SNRNP40: variants seen among roughly 807,000 people sequenced by gnomAD.
SNRNP40 encodes the protein U5 small nuclear ribonucleoprotein 40 kDa protein.
A neutral mutation model predicts 45.8 loss-of-function variants in SNRNP40; 21 were observed. The ratio of observed to expected loss-of-function variants is 0.46; its 90% CI spans 0.32 to 0.66. SNRNP40 has a LOEUF of 0.66. Among genes scored for constraint, SNRNP40 ranks in the 30% least tolerant of loss-of-function variants. The pLI, the probability that SNRNP40 is intolerant of heterozygous loss-of-function variation, is 0.03. For synonymous variants in SNRNP40, 142 were observed against 163.8 expected, an observed-to-expected ratio of 0.87 and a Z score of 1.01; for missense variants, 344 against 439.1, an observed-to-expected ratio of 0.78 and a Z score of 1.94.
chr1:31,276,141 T>A (rs1398233281), intron 5 of SNRNP40, among the ~76,000 whole-genome samples: 1 of 152,232 alleles, frequency 6.6e-6, no homozygotes, highest in Non-Finnish European at 1.5e-5. Flanking sequence ...GAATATTATA[T>A]CCTTACTTCA....
chr1:31,296,300 T>G (rs1300338328), intron 1 of SNRNP40, among the ~76,000 whole-genome samples: 1 of 152,232 alleles, frequency 6.6e-6, no homozygotes, highest in Non-Finnish European at 1.5e-5. Flanking sequence ...GGAATTTTTG[T>G]TCTATGCCAG....
At chr1:31,293,432 G>T in intron 1 of SNRNP40, 84 bp from the exon 2 acceptor site, 1 of 1,364,954 alleles carries the variant, frequency 7.3e-7, no homozygotes, top group South Asian at 1.5e-5. Flanking sequence ...GGAGGGAAAA[G>T]ACCAAGAAAA....
rs2148390668 is a variant in SNRNP40, at chr1:31,289,407, T to C, written c.378A>G (p.Ser126=). The C allele has an allele frequency of 6.2e-7, 1 of 1,613,020 alleles. No homozygotes were observed. The highest frequency in any genetic ancestry group is 2.2e-5 in the East Asian group (1 of 44,878). ...HYNTDGSMLF[S]ASTDKTVAVW... ...CAGCCACGGTTTTATCTGTGGATGCTGAGAAAAGCATACTAGAAAGTAAGA... is the reference window on the plus strand; with the variant it reads ...CAGCCACGGTTTTATCTGTGGATGCCGAGAAAAGCATACTAGAAAGTAAGA... Residue 126 remains serine (S), a synonymous_variant, in exon 4 of 10, where the codon TCA becomes TCG. Transcript: ENST00000263694.
intron 4 of SNRNP40, among the ~76,000 whole-genome samples, chr1:31,288,616 C>T (rs190217414): frequency 1.7e-4 from 26 of 151,358 alleles, no homozygotes; most frequent in African/African-American, 6.1e-4. Context: ...TTGTGCCATA[C>T]TAAAACTATT....
intron 5 of SNRNP40, among the ~76,000 whole-genome samples, chr1:31,276,676 AG>A (rs1475329913): frequency 6.6e-6 from 1 of 151,980 alleles, no homozygotes; most frequent in Non-Finnish European, 1.5e-5. Context: ...GCTTGAGGCC[AG>A]GAGTTCGAGA....
intron 5 of SNRNP40, among the ~76,000 whole-genome samples, chr1:31,280,095 C>T (rs1441992067): frequency 3.3e-5 from 3 of 90,842 alleles, no homozygotes; most frequent in African/African-American, 4.3e-5. Flanking sequence ...GCCTGGGCTA[C>T]AGAGGAAGAC....
rs543514368 is a variant in SNRNP40 at position 31,268,896 on chromosome 1, G to A, written c.858+262C>T. The stretch of plus-strand genomic sequence containing the variant: ...ATTCCCAAGTAATTAAAAAGGCCAG[G>A]AGTCTCTTGTTGAGGCTGGTGTCAA... On this transcript the variant is annotated intron_variant, in intron 7 of 9. Coordinates refer to ENST00000263694, the MANE Select transcript of SNRNP40 (RefSeq NM_004814.3). 2.8e-4 allele frequency among the ~76,000 whole-genome samples: 43 copies of A among 152,300 alleles called. No homozygotes were observed. In the South Asian group the frequency reaches 8.7e-3, roughly 31 times the overall value.
At chr1:31,284,430 G>A (rs1443342263) in intron 4 of SNRNP40, among the ~76,000 whole-genome samples, 1 of 152,202 alleles carries the variant, frequency 6.6e-6, no homozygotes, top group African/African-American at 2.4e-5. Flanking sequence ...GATTACAGGC[G>A]TGAGCCACTG....
At chr1:31,282,483 G>GTATCTATCTATCTATC (rs1553166886) in intron 4 of SNRNP40, 2 of 69,968 alleles carry the variant, frequency 2.9e-5, no homozygotes, top group African/African-American at 7.0e-5. Flanking sequence ...ATCTATCTAT[G>GTATCTATCTATCTATC]TATCTATCTA....
At chr1:31,269,612 C>G (rs1486860297) in intron 6 of SNRNP40, 2 of 385,294 alleles carry the variant, frequency 5.2e-6, no homozygotes, top group Non-Finnish European at 9.2e-6. Context: ...CCAGGAACTA[C>G]TGTGACAATG....
At chr1:31,286,910 G>C (rs886565782) in intron 4 of SNRNP40, among the ~76,000 whole-genome samples, 5 of 152,152 alleles carry the variant, frequency 3.3e-5, no homozygotes, top group Non-Finnish European at 7.3e-5. Flanking sequence ...GGACTGAACT[G>C]CTCATGAAAG....
chr1:31,274,203 T>A (rs1645958707), intron 5 of SNRNP40, among the ~76,000 whole-genome samples: 1 of 151,982 alleles, frequency 6.6e-6, no homozygotes, highest in Admixed American at 6.6e-5. Flanking sequence ...AATGAGACAT[T>A]CAGTTGTATA....
chr1:31,272,833 A>G (rs892340883), intron 5 of SNRNP40, among the ~76,000 whole-genome samples: 1 of 152,234 alleles, frequency 6.6e-6, no homozygotes, highest in Non-Finnish European at 1.5e-5. Context: ...GCTAACAGAA[A>G]TAGTCTGGAA....
At chr1:31,280,758 G>A (rs112227430) in intron 5 of SNRNP40, among the ~76,000 whole-genome samples, 3,415 of 149,654 alleles carry the variant, frequency 0.023, 116 homozygotes, top group African/African-American at 0.079. Context: ...GTATGTGGTA[G>A]ATGCTACTGT....
intron 5 of SNRNP40, among the ~76,000 whole-genome samples, chr1:31,275,926 A>G (rs1357447616): frequency 6.6e-6 from 1 of 152,236 alleles, no homozygotes; most frequent in East Asian, 1.9e-4. Context: ...CTGGAAATCT[A>G]TTCTAAGAAA....
At chr1:31,264,977 C>T (rs1234243387) in intron 8 of SNRNP40, among the ~76,000 whole-genome samples, 1 of 152,168 alleles carries the variant, frequency 6.6e-6, no homozygotes, top group Non-Finnish European at 1.5e-5. Context: ...CTTACTTTGG[C>T]ATGGCAACAT....
rs2292165 is a variant in SNRNP40 at position 31,260,045 on chromosome 1, G to A, written c.*27C>T. ...GCAGTCTGAGGTCTCAAAGACAAGC[G>A]GCCTTGGAGTCTTCCAGTCCATATC... On this transcript the variant is annotated 3_prime_UTR_variant, in exon 10 of 10. Coordinates refer to ENST00000263694, the MANE Select transcript of SNRNP40 (RefSeq NM_004814.3). 0.17 allele frequency: 273,355 copies of A among 1,564,986 alleles called. 25,155 individuals carry two copies. The highest frequency in any genetic ancestry group is 0.26 in the South Asian group (23,427 of 89,906).
intron 1 of SNRNP40, among the ~76,000 whole-genome samples, chr1:31,294,448 A>ATATTTATT (rs35334975): frequency 0.011 from 1,675 of 149,012 alleles, 14 homozygotes; most frequent in Non-Finnish European, 0.019. Flanking sequence ...CAGCATTTTC[A>ATATTTATT]TATTTATTTA....
intron 8 of SNRNP40, among the ~76,000 whole-genome samples, chr1:31,265,297 T>A (rs1279358123): frequency 6.6e-6 from 1 of 151,770 alleles, no homozygotes; most frequent in African/African-American, 2.4e-5. Flanking sequence ...GCTAATTTTT[T>A]AAATATTTTT....
Sources: gnomAD v4.1 joint callset for allele counts (sites outside exome capture counted in the v4.1 genomes callset) on GRCh38, gnomAD v4.1.1 for gene constraint, MANE v1.5 for transcripts, NCBI Gene and HGNC (gene_info 2026-07-23, HGNC 2026-07-21) for gene names.